The following TBC1D2 variants were observed in gnomAD, a reference collection of about 807,000 sequenced individuals.
TBC1D2 encodes TBC1 domain family member 2, also known as TBC1 domain family member 2A.
A neutral mutation model predicts 91.1 loss-of-function variants in TBC1D2; 58 were observed. The ratio of observed to expected loss-of-function variants is 0.64; its 90% confidence interval spans 0.52 to 0.79. The LOEUF is 0.79. TBC1D2 is among the 30% of genes least tolerant of loss of function. The probability of loss-of-function intolerance (pLI) is 0.00; values close to 1 mark genes in which losing one functional copy is unlikely to be tolerated. For missense variants in TBC1D2, 1,080 were observed against 1,208.3 expected, an observed-to-expected ratio of 0.89 and a Z score of 1.57; for synonymous variants, 482 against 511.5, an observed-to-expected ratio of 0.94 and a Z score of 0.78.
rs1362949356 is a variant in TBC1D2, at chr9:98,255,259, G to A, written c.283C>T (p.Leu95Phe). The A allele has an allele frequency of 1.9e-6, 3 of 1,614,246 alleles. No individual in the cohort carries two copies. Among genetic ancestry groups the A allele is most frequent in the Non-Finnish European group, 2.5e-6 (3 of 1,180,040 alleles). Reference protein sequence around the residue: ...QDANPLDSIDLSSAVFDCKAD... With the variant: ...QDANPLDSIDFSSAVFDCKAD... ...TTACAGTCAAACACTGCACTGGAGA[G>A]GTCGATGCTGTCCAAGGGATTGGCA... The change falls in exon 1 of 13, where the codon CTC becomes TTC. Residue 95 changes from leucine (L) to phenylalanine (F), a missense_variant. By Grantham distance (22) the Leu-to-Phe change is conservative. Coordinates refer to ENST00000465784, the MANE Select transcript of TBC1D2 (RefSeq NM_001267571.2).
intron 6 of TBC1D2, among the ~76,000 whole-genome samples, chr9:98,220,267 G>C (rs945733272): frequency 1.4e-4 from 21 of 152,202 alleles, no homozygotes; most frequent in African/African-American, 3.9e-4. Flanking sequence ...TAAAGGGGGA[G>C]CACACCAGCG....
intron 12 of TBC1D2, among the ~76,000 whole-genome samples, 194 bp downstream of exon 12, chr9:98,200,059 G>T (rs1473548612): frequency 6.6e-6 from 1 of 152,156 alleles, no homozygotes; most frequent in African/African-American, 2.4e-5. Context: ...GAAACTCCAT[G>T]GAGGCCTCAA....
At chr9:98,203,190 C>G (rs3739667) in intron 10 of TBC1D2, 98 bp downstream of exon 10, 40 of 1,542,574 alleles carry the variant, frequency 2.6e-5, no homozygotes, top group Non-Finnish European at 3.2e-5. Flanking sequence ...AATGGAAGCC[C>G]GAGAGATTCC....
chr9:98,208,954 G>A lies in TBC1D2; in HGVS notation c.1864C>T (p.Leu622=), dbSNP rs1828735974. 1 of 1,614,164 alleles carries A rather than the reference G, an allele frequency of 6.2e-7. No homozygotes were observed. The highest frequency in any genetic ancestry group is 8.5e-7 in the Non-Finnish European group (1 of 1,180,024). ...LVPSAELKQL[L]RAGVPREHRP... ...TGTTCACGGGGTACTCCTGCCCGCA[G>A]TAGCTGCTTGAGCTCGGCTGAGGGC... The change falls in exon 9 of 13, where the codon CTG becomes TTG. Residue 622 remains leucine, a synonymous_variant. Coordinates refer to ENST00000465784, the MANE Select transcript of TBC1D2 (RefSeq NM_001267571.2).
chr9:98,220,766 C>T lies in TBC1D2; in HGVS notation c.1374+67G>A, dbSNP rs76685060. The T allele has an allele frequency of 4.9e-4, 780 of 1,576,562 alleles. 7 individuals are homozygous for T. In the African/African-American group the frequency reaches 9.8e-3, roughly 20 times the overall value. On this transcript the variant is annotated intron_variant, in intron 6 of 12. Transcript: ENST00000465784. ...CTAGCAAACCCTTAGGGGTGGAGAG[C>T]GCACCTTCCCTGAGGGCTGGGACAG...
intron 7 of TBC1D2, among the ~76,000 whole-genome samples, chr9:98,211,814 T>TC (rs58807169): frequency 1.8e-4 from 28 of 151,630 alleles, no homozygotes; most frequent in African/African-American, 6.8e-4. Context: ...TTTTTTTTTT[T>TC]CCTGAGAGAG....
intron 3 of TBC1D2, 61 bp downstream of exon 3, chr9:98,243,933 C>A (rs1053834219): frequency 1.3e-6 from 2 of 1,561,558 alleles, no homozygotes; most frequent in Admixed American, 3.9e-5. Flanking sequence ...CACAGTGGGT[C>A]AAGCTCCACT....
intron 5 of TBC1D2, among the ~76,000 whole-genome samples, chr9:98,222,414 T>C (rs1829121762): frequency 6.6e-6 from 1 of 152,208 alleles, no homozygotes; most frequent in African/African-American, 2.4e-5. Context: ...TGTGCCTAGT[T>C]ACCTTCAGCC....
intron 6 of TBC1D2, among the ~76,000 whole-genome samples, chr9:98,216,790 G>C (rs1424182130): frequency 3.3e-5 from 5 of 152,128 alleles, no homozygotes; most frequent in South Asian, 2.1e-4. Flanking sequence ...CTGCACTCTT[G>C]ACCTCCTGGG....
In TBC1D2 at chr9:98,226,071, C is replaced by A. The variant is rs78692884; in HGVS notation, c.978+2881G>T. Among the ~76,000 whole-genome samples, 55 of 152,302 alleles carry A rather than the reference C, an allele frequency of 3.6e-4. No individual in the cohort carries two copies. The East Asian group carries it at 0.01, about 29-fold the overall frequency. ...TCTAATGAGGGTCTCAGATGGACAG[C>A]GGCTCTCCTAGCGGCATTCTGAGTG... On this transcript the variant is annotated intron_variant, in intron 5 of 12. Transcript: ENST00000465784.
chr9:98,216,026 C>T (rs966973747), intron 6 of TBC1D2, among the ~76,000 whole-genome samples: 16 of 152,208 alleles, frequency 1.1e-4, no homozygotes, highest in Admixed American at 5.9e-4. Flanking sequence ...GGCCATGTAC[C>T]GGCACCGCCT....
In TBC1D2 at chr9:98,210,800, T is replaced by C. The variant is rs1588035452; in HGVS notation, c.1529A>G (p.Tyr510Cys). 2.6e-6 allele frequency: 4 copies of C among 1,553,334 alleles called. No individual in the cohort carries two copies. Among genetic ancestry groups the C allele is most frequent in the African/African-American group, 1.4e-5 (1 of 73,102 alleles). Residue 510 changes from tyrosine to cysteine, a missense_variant, in exon 8 of 13, where the codon TAC becomes TGC. Coordinates refer to ENST00000465784, the MANE Select transcript of TBC1D2 (RefSeq NM_001267571.2). Reference protein sequence around the residue: ...QARNCQVESKYLAGLRRLQEA... With the variant: ...QARNCQVESKCLAGLRRLQEA... ...CTGCAGCCTTCTCAGACCGGCCAGG[T>C]ACTTGCTTTCCACCTGGCAGTTTCT...
chr9:98,229,626 T>C (rs1829320229), intron 4 of TBC1D2, among the ~76,000 whole-genome samples: 1 of 152,256 alleles, frequency 6.6e-6, no homozygotes, highest in South Asian at 2.1e-4. Context: ...AAAATGAATG[T>C]CTGTACTCTG....
At chr9:98,210,615 C>T (rs1828807940) in intron 8 of TBC1D2, 41 bp downstream of exon 8, 4 of 1,504,220 alleles carry the variant, frequency 2.7e-6, no homozygotes, top group Non-Finnish European at 2.7e-6. Context: ...GAGGAGCCGC[C>T]AGCTCACATA....
chr9:98,252,724 A>G (rs1829897507), intron 1 of TBC1D2, among the ~76,000 whole-genome samples: 1 of 152,104 alleles, frequency 6.6e-6, no homozygotes, highest in Admixed American at 6.5e-5. Flanking sequence ...TGGCCAGGAG[A>G]TTAGTGGCTT....
intron 7 of TBC1D2, among the ~76,000 whole-genome samples, chr9:98,212,151 A>G (rs553802781): frequency 6.6e-6 from 1 of 152,046 alleles, no homozygotes; most frequent in East Asian, 1.9e-4. Flanking sequence ...TTCCAGGCCC[A>G]CCTTCTCAAG....
intron 10 of TBC1D2, among the ~76,000 whole-genome samples, chr9:98,202,262 G>T (rs1828527449): frequency 6.6e-6 from 1 of 152,228 alleles, no homozygotes; most frequent in East Asian, 1.9e-4. Flanking sequence ...TGTGACCACT[G>T]TCATGCCTCC....
intron 5 of TBC1D2, among the ~76,000 whole-genome samples, chr9:98,223,799 G>A (rs1829155617): frequency 6.6e-6 from 1 of 152,222 alleles, no homozygotes; most frequent in African/African-American, 2.4e-5. Context: ...CGGAACCAGG[G>A]CAGAGGGAGG....
Position 98,220,922 on chromosome 9 carries a change from AGTCCT to A in TBC1D2, c.1280_1284del (p.Gln427LeufsTer6). The A allele has an allele frequency of 6.2e-7, 1 of 1,614,108 alleles. No homozygotes were observed. The highest frequency in any genetic ancestry group is 1.1e-5 in the South Asian group (1 of 91,082). ...GGAGACTGGTCAGGGGGGTGCGTGA[AGTCCT>A]GGGTGACCTTCTCAGAGAGCTTGCA... On this transcript the variant is annotated frameshift_variant, in exon 6 of 13. Coordinates refer to ENST00000465784, the MANE Select transcript of TBC1D2 (RefSeq NM_001267571.2). LOFTEE classifies it high-confidence loss of function.
Sources: allele counts gnomAD v4.1 joint callset (sites outside exome capture counted in the v4.1 genomes callset), GRCh38; gene constraint gnomAD v4.1.1; transcripts MANE v1.5; gene names NCBI Gene and HGNC (gene_info 2026-07-23, HGNC 2026-07-21).